Variants in GNPDA2 observed in about 807,000 individuals in gnomAD.
The protein encoded by GNPDA2 is glcN6P deaminase 2.
A neutral mutation model predicts 27.0 loss-of-function variants in GNPDA2; 24 were observed. The observed-to-expected ratio is 0.89, with a 90% CI of 0.64 to 1.25. The LOEUF (loss-of-function observed/expected upper bound fraction) is 1.25, where lower values mean the gene tolerates loss of function less well. Among genes scored for constraint, GNPDA2 ranks in the 50% most tolerant of loss-of-function variants. GNPDA2 has a pLI of 0.00. For synonymous variants in GNPDA2, 94 were observed against 108.4 expected, an observed-to-expected ratio of 0.87 and a Z score of 0.83; for missense variants, 286 against 335.1, an observed-to-expected ratio of 0.85 and a Z score of 1.14.
At chr4:44,706,519 GAT>G (rs745778746) in intron 6 of GNPDA2, 21 of 151,954 alleles carry the variant, frequency 1.4e-4, no homozygotes, top group Non-Finnish European at 2.8e-4. Context: ...ACACCTTCAA[GAT>G]ATTTGCCATA....
chr4:44,702,391 C>G lies in GNPDA2; in HGVS notation c.*690G>C. 1.0e-6 allele frequency: 1 copy of G among 962,252 alleles called. No individual in the cohort carries two copies. Among genetic ancestry groups the G allele is most frequent in the African/African-American group, 1.8e-5 (1 of 56,690 alleles). 59.6% of individuals were successfully genotyped at this position (962,252 alleles called of 1,614,324 possible). ...TATAAAGCTCATAATTGTCAAGATA[C>G]TTATATTAGGGACATGAACCCAAGT... On this transcript the variant is annotated 3_prime_UTR_variant, in exon 7 of 7. Transcript: ENST00000295448.
At position 44,713,570 on chromosome 4, in the gene GNPDA2, T is replaced by A. The variant is rs1016096074; in HGVS notation, c.410-2433A>T. On this transcript the variant is annotated intron_variant, in intron 4 of 6. Transcript: ENST00000295448. The stretch of plus-strand genomic sequence containing the variant: ...TTAACATTTTCTCCACTGTCTTCTT[T>A]TATTTTTACTTTTTAAAAACACTAT... Among the ~76,000 whole-genome samples the A allele has an allele frequency of 3.3e-5, 5 of 152,302 alleles. No individual in the cohort carries two copies. The South Asian group carries it at 1.0e-3, about 32-fold the overall frequency.
At chr4:44,715,014 CT>C (rs1717190431) in intron 4 of GNPDA2, among the ~76,000 whole-genome samples, 1 of 152,058 alleles carries the variant, frequency 6.6e-6, no homozygotes, top group African/African-American at 2.4e-5. Flanking sequence ...AAGTCAAATT[CT>C]TTTTAGTGGT....
chr4:44,703,030 C>T lies in GNPDA2; in HGVS notation c.*51G>A. The stretch of plus-strand genomic sequence containing the variant: ...TGCATAGCTGAAAATTCATCTACTA[C>T]TTAGTAAAAAGTGCTCTGTTCATTC... On this transcript the variant is annotated 3_prime_UTR_variant, in exon 7 of 7. Coordinates refer to ENST00000295448, the MANE Select transcript of GNPDA2 (RefSeq NM_138335.3). 1 of 1,601,592 alleles carries T rather than the reference C, an allele frequency of 6.2e-7. No individual in the cohort carries two copies. The highest frequency in any genetic ancestry group is 8.5e-7 in the Non-Finnish European group (1 of 1,176,500).
chr4:44,712,336 T>G (rs1454958023), intron 4 of GNPDA2, among the ~76,000 whole-genome samples: 1 of 152,064 alleles, frequency 6.6e-6, no homozygotes, highest in Non-Finnish European at 1.5e-5. Flanking sequence ...AACAAAATTT[T>G]CCCAGGCCAC....
intron 4 of GNPDA2, among the ~76,000 whole-genome samples, chr4:44,711,691 G>A (rs1037209768): frequency 6.6e-6 from 1 of 150,936 alleles, no homozygotes; most frequent in African/African-American, 2.4e-5. Context: ...CTGTAGGAGA[G>A]TTTCCTCACT....
chr4:44,707,538 G>T, intron 6 of GNPDA2: 1 of 432,806 alleles, frequency 2.3e-6, no homozygotes, highest in Non-Finnish European at 4.0e-6. Flanking sequence ...TGAAAATAGA[G>T]ACTGAAGAGA....
At chr4:44,724,429 AT>A (rs2109728360) in intron 1 of GNPDA2, among the ~76,000 whole-genome samples, 1 of 152,272 alleles carries the variant, frequency 6.6e-6, no homozygotes, top group South Asian at 2.1e-4. Context: ...TGGTAGTTCT[AT>A]TTTCAGTTCT....
chr4:44,723,266 T>C (rs1483241368), intron 1 of GNPDA2, among the ~76,000 whole-genome samples: 2 of 152,092 alleles, frequency 1.3e-5, no homozygotes, highest in African/African-American at 2.4e-5. Flanking sequence ...AAAAAAATGG[T>C]ATAAATTTAA....
intron 4 of GNPDA2, among the ~76,000 whole-genome samples, chr4:44,713,045 A>C (rs1338476647): frequency 6.6e-6 from 1 of 152,216 alleles, no homozygotes; most frequent in African/African-American, 2.4e-5. Context: ...TTAGAATAAC[A>C]AGTGACACAT....
At chr4:44,725,134 CTATTA>C (rs4034902) in intron 1 of GNPDA2, among the ~76,000 whole-genome samples, 79,572 of 151,608 alleles carry the variant, frequency 0.52, 22,271 homozygotes, top group Non-Finnish European at 0.64. Flanking sequence ...GTTTGAAGAC[CTATTA>C]TATTCTAAGC....
intron 4 of GNPDA2, 43 bp from the exon 5 acceptor site, chr4:44,711,180 G>T: frequency 1.6e-6 from 2 of 1,285,554 alleles, no homozygotes; most frequent in South Asian, 2.2e-5. Flanking sequence ...GAAGTAAATA[G>T]GTTTCACAAA....
Position 44,718,419 on chromosome 4 carries a change from C to T in GNPDA2, c.125-9G>A. On this transcript the variant is annotated splice_polypyrimidine_tract_variant and intron_variant, in intron 2 of 6. Transcript: ENST00000295448. ...TCCTAAAGGTGTACTCCCTAAAAGA[C>T]ATAAAAATTCCATTTTCTAAAATGA... 9.8e-7 allele frequency: 1 copy of T among 1,017,626 alleles called. No individual in the cohort carries two copies. Among genetic ancestry groups the T allele is most frequent in the South Asian group, 1.9e-5 (1 of 51,914 alleles). The allele number at this position is 1,017,626 out of a possible 1,614,324, so 63.0% of individuals were successfully genotyped here.
At chr4:44,716,500 T>C (rs1717296474) in intron 4 of GNPDA2, among the ~76,000 whole-genome samples, 1 of 108,916 alleles carries the variant, frequency 9.2e-6, no homozygotes. Context: ...AAAACTTATT[T>C]TTAACTGTAG....
rs13105204 is a variant in GNPDA2, at chr4:44,724,780, A to G, written c.-36+1694T>C. On this transcript the variant is annotated intron_variant, in intron 1 of 6. Transcript: ENST00000295448. ...TCGAATTCTGACACAACAACAAAAA[A>G]TCATGGTCACCATGATCTAGAATTC... is the stretch of plus-strand genomic sequence containing the variant. Among the ~76,000 whole-genome samples, 1,223 of 152,342 alleles carry G rather than the reference A, an allele frequency of 8.0e-3. 4 individuals carry two copies. The highest frequency in any genetic ancestry group is 0.013 in the Non-Finnish European group (867 of 68,032).
chr4:44,703,213 A>G, intron 6 of GNPDA2, 71 bp from the exon 7 acceptor site: 4 of 1,545,570 alleles, frequency 2.6e-6, no homozygotes, highest in Non-Finnish European at 1.7e-6. Context: ...TTAGACAACA[A>G]AGTATTTTTT....
intron 4 of GNPDA2, among the ~76,000 whole-genome samples, chr4:44,715,814 G>A (rs990227775): frequency 1.3e-5 from 2 of 151,990 alleles, no homozygotes; most frequent in African/African-American, 4.8e-5. Context: ...GAAAGTAAAT[G>A]TTATTGACTC....
At chr4:44,720,225 A>T (rs1049523132) in intron 2 of GNPDA2, among the ~76,000 whole-genome samples, 1 of 152,136 alleles carries the variant, frequency 6.6e-6, no homozygotes, top group Admixed American at 6.5e-5. Context: ...AAAGCTCACA[A>T]TCTTGAGAAA....
chr4:44,713,188 A>G (rs1315633526), intron 4 of GNPDA2, among the ~76,000 whole-genome samples: 1 of 152,174 alleles, frequency 6.6e-6, no homozygotes, highest in Non-Finnish European at 1.5e-5. Flanking sequence ...GGGCTGGAAC[A>G]ATTTTAATTT....
Sources: gnomAD v4.1 joint callset for allele counts (sites outside exome capture counted in the v4.1 genomes callset) on GRCh38, gnomAD v4.1.1 for gene constraint, MANE v1.5 for transcripts, NCBI Gene and HGNC (gene_info 2026-07-23, HGNC 2026-07-21) for gene names.